Variants in EIF4G1 observed in about 807,000 individuals in gnomAD.
The protein encoded by EIF4G1 is EIF4-gamma.
EIF4G1 carries 4 observed loss-of-function variants against 187.8 expected under a neutral mutation model. The observed-to-expected ratio is 0.02, with a 90% CI of 0.01 to 0.05. The LOEUF (loss-of-function observed/expected upper bound fraction) is 0.05, where lower values mean the gene tolerates loss of function less well. EIF4G1 is among the 10% of genes least tolerant of loss of function. The pLI, the probability that EIF4G1 is intolerant of heterozygous loss-of-function variation, is 1.00. For missense variants in EIF4G1, 1,647 were observed against 2,081.1 expected (o/e 0.79, Z 4.06); for synonymous variants, 844 against 781.4 (o/e 1.08, Z -1.34).
chr3:184,317,514 G>A lies in EIF4G1; in HGVS notation c.324+17G>A. On this transcript the variant is annotated intron_variant, in intron 5 of 32. Coordinates refer to ENST00000346169, the MANE Select transcript of EIF4G1 (RefSeq NM_198241.3). The stretch of plus-strand genomic sequence containing the variant: ...CCTGGACAGGTGAGGCTGGGGGCTT[G>A]GAGCCTAGAAGCCACAGACCCCTAT... 6.2e-7 allele frequency: 1 copy of A among 1,613,834 alleles called. No homozygotes were observed. Among genetic ancestry groups the A allele is most frequent in the African/African-American group, 1.3e-5 (1 of 75,016 alleles).
At chr3:184,327,542 G>A (rs1412551290) in intron 24 of EIF4G1, 44 bp from the exon 25 acceptor site, 1 of 1,613,138 alleles carries the variant, frequency 6.2e-7, no homozygotes, top group African/African-American at 1.3e-5. Context: ...CTTGTTTGCT[G>A]GGAAGACTGA....
At position 184,325,119 on chromosome 3, in the gene EIF4G1, A is replaced by T; in HGVS notation, c.2856+5A>T. 1.2e-6 allele frequency: 2 copies of T among 1,613,838 alleles called. No individual in the cohort carries two copies. The highest frequency in any genetic ancestry group is 1.7e-6 in the Non-Finnish European group (2 of 1,179,830). ...CTGGACTTTGAAAAAGCCAAGGTAG[A>T]GGTCCTTGCATCTGGAGGGGGATGG... On this transcript the variant is annotated splice_donor_5th_base_variant and intron_variant, in intron 18 of 32. Transcript: ENST00000346169. The surrounding 1 kb of genome is among the most constrained non-coding windows in gnomAD (Gnocchi z 5.2).
intron 32 of EIF4G1, 115 bp downstream of exon 32, chr3:184,332,201 A>ATTTTGCTCTC: frequency 5.7e-6 from 8 of 1,397,830 alleles, no homozygotes; most frequent in Non-Finnish European, 8.0e-6. Flanking sequence ...ATTAGAGAGC[A>ATTTTGCTCTC]AAATGCCCTC....
rs866461214 is a variant in EIF4G1, at chr3:184,323,963, C to T, written c.2458C>T (p.Arg820Cys). The T allele has an allele frequency of 1.9e-6, 3 of 1,613,922 alleles. No homozygotes were observed. Among genetic ancestry groups the T allele is most frequent in the Non-Finnish European group, 2.5e-6 (3 of 1,180,046 alleles). The change falls in exon 16 of 33, where the codon CGC becomes TGC. Residue 820 changes from arginine to cysteine, a missense_variant. Coordinates refer to ENST00000346169, the MANE Select transcript of EIF4G1 (RefSeq NM_198241.3). This position sits in a 1 kb window ranked among gnomAD's most constrained non-coding sequence, Gnocchi z 6.9. ...CTCTGTGGCCTATGCCAACATGTGC[C>T]GCTGCCTCATGGCGGTTAGTTTCCA... ...NFSVAYANMCRCLMALKVPTT... is the reference protein window; with the variant it reads ...NFSVAYANMCCCLMALKVPTT...
In EIF4G1 at chr3:184,323,241, G is replaced by A; in HGVS notation, c.2088G>A (p.Pro696=). The A allele has an allele frequency of 6.2e-7, 1 of 1,614,158 alleles. No homozygotes were observed. The highest frequency in any genetic ancestry group is 8.5e-7 in the Non-Finnish European group (1 of 1,179,992). ...CAGGTGGGGAGCTGCCCCGTGGGCCGGTGAGTGGGGCTGGGTAAAGTGGCA... is the reference window on the plus strand; with the variant it reads ...CAGGTGGGGAGCTGCCCCGTGGGCCAGTGAGTGGGGCTGGGTAAAGTGGCA... ...GGPGGELPRG[P]AGLGPRRSQQ... is the part of the protein sequence containing the mutation. The change falls in exon 14 of 33, where the codon CCG becomes CCA. Residue 696 remains proline (P), a splice_region_variant and synonymous_variant. Coordinates refer to ENST00000346169, the MANE Select transcript of EIF4G1 (RefSeq NM_198241.3). This position sits in a 1 kb window ranked among gnomAD's most constrained non-coding sequence, Gnocchi z 6.9.
At chr3:184,319,624 C>A in intron 6 of EIF4G1, 65 bp from the exon 7 acceptor site, 2 of 1,080,814 alleles carry the variant, frequency 1.9e-6, no homozygotes, top group Non-Finnish European at 2.8e-6. Flanking sequence ...AGGTGTCAGG[C>A]AGGCATTAGT....
At chr3:184,317,659 T>C in intron 5 of EIF4G1, 58 bp from the exon 6 acceptor site, 1 of 1,550,028 alleles carries the variant, frequency 6.5e-7, no homozygotes, top group African/African-American at 1.4e-5. Flanking sequence ...TTTTGGAGTC[T>C]GATATGGAAC....
Position 184,322,281 on chromosome 3 carries a change from GCTTT to G in EIF4G1, c.1520-78_1520-75del, listed in dbSNP as rs948034217. On this transcript the variant is annotated intron_variant, in intron 10 of 32. Transcript: ENST00000346169. The stretch of plus-strand genomic sequence containing the variant: ...AAAGGGGAAATACTGTTCTTTGGCT[GCTTT>G]CTATTTCCCAGGGATTAAGGGTACT... 638 of 1,540,556 alleles carry G rather than the reference GCTTT, an allele frequency of 4.1e-4. 1 individual carries two copies. The highest frequency in any genetic ancestry group is 1.5e-3 in the Middle Eastern group (8 of 5,258).
At position 184,325,146 on chromosome 3, in the gene EIF4G1, C is replaced by T; in HGVS notation, c.2856+32C>T. ...GTCCTTGCATCTGGAGGGGGATGGG[C>T]TGAAGCATATGTGGGGCTCACTGAG... On this transcript the variant is annotated intron_variant, in intron 18 of 32. Coordinates refer to ENST00000346169, the MANE Select transcript of EIF4G1 (RefSeq NM_198241.3). This position sits in a 1 kb window ranked among gnomAD's most constrained non-coding sequence, Gnocchi z 5.2. 6.2e-7 allele frequency: 1 copy of T among 1,610,360 alleles called. No individual in the cohort carries two copies. The highest frequency in any genetic ancestry group is 8.5e-7 in the Non-Finnish European group (1 of 1,176,808).
At chr3:184,320,825 G>A (rs1207513875) in intron 8 of EIF4G1, 102 bp from the exon 9 acceptor site, 1 of 1,605,506 alleles carries the variant, frequency 6.2e-7, no homozygotes. Context: ...TTATTTCCCT[G>A]CTTTCCTGGA....
At chr3:184,315,450 C>T (rs1348417630) in intron 1 of EIF4G1, 39 bp from the exon 2 acceptor site, 3 of 582,526 alleles carry the variant, frequency 5.1e-6, no homozygotes, top group South Asian at 2.8e-5. Context: ...GTCTGGGGCC[C>T]CGCGGAGCCA....
rs1459724392 is a variant in EIF4G1 at position 184,317,347 on chromosome 3, C to G, written c.174C>G (p.Pro58=). The G allele has an allele frequency of 6.2e-7, 1 of 1,614,098 alleles. No homozygotes were observed. Among genetic ancestry groups the G allele is most frequent in the South Asian group, 1.1e-5 (1 of 91,086 alleles). The change falls in exon 5 of 33, where the codon CCC becomes CCG. Residue 58 remains proline, a synonymous_variant. Transcript: ENST00000346169. ...ACTTCTACCCTAGCCGGGCCCAGCC[C>G]CCGAGCAGTGCAGCCTCCCGAGTGC... The part of the protein sequence containing the change: ...RQHFYPSRAQ[P]PSSAASRVQS...
At chr3:184,324,061 C>T (rs1312996383) in intron 16 of EIF4G1, 84 bp downstream of exon 16, 3 of 1,605,308 alleles carry the variant, frequency 1.9e-6, no homozygotes, top group Admixed American at 1.7e-5. Flanking sequence ...TTCTTGGTTC[C>T]CCTCCAACTT....
In EIF4G1 at chr3:184,322,408, TAAG is replaced by T. The variant is rs568141854; in HGVS notation, c.1570_1572del (p.Lys524del). 1.9e-6 allele frequency: 3 copies of T among 1,614,118 alleles called. No homozygotes were observed. The highest frequency in any genetic ancestry group is 1.7e-4 in the Middle Eastern group (1 of 6,060). ...GGAGACGGAAAATTAAGGAGCTAAATAAGAAGGAGGCTGTTGGAGACCTTCTGG... is the reference window on the plus strand; with the variant it reads ...GGAGACGGAAAATTAAGGAGCTAAATAAGGAGGCTGTTGGAGACCTTCTGG... On this transcript the variant is annotated inframe_deletion, in exon 11 of 33. Transcript: ENST00000346169.
rs1250489817 is a variant in EIF4G1, at chr3:184,320,123, TC to T, written c.537+328del. On this transcript the variant is annotated intron_variant, in intron 7 of 32. Transcript: ENST00000346169. ...TGTTTTCTGTGGCCCCAGCCCCCAT[TC>T]CCCCCTGCCCCCCCAGTCCTGGAAG... Among the ~76,000 whole-genome samples the T allele has an allele frequency of 3.5e-5, 5 of 141,252 alleles. No homozygotes were observed. In the South Asian group the frequency reaches 7.6e-4, roughly 21 times the overall value. The allele number at this position is 141,252 out of a possible 152,430, so 92.7% of individuals were successfully genotyped here.
At chr3:184,332,115 G>A in intron 32 of EIF4G1, 29 bp downstream of exon 32, 1 of 1,614,126 alleles carries the variant, frequency 6.2e-7, no homozygotes, top group Middle Eastern at 1.7e-4. Flanking sequence ...GGACAGGGGT[G>A]GGGTGGAGGG....
rs377300045 is a variant in EIF4G1 at position 184,327,773 on chromosome 3, C to T, written c.3781-57C>T. 494 of 1,613,880 alleles carry T rather than the reference C, an allele frequency of 3.1e-4. 3 individuals carry two copies. The East Asian group carries it at 8.2e-3, about 27-fold the overall frequency. ...GGATCATGCTGGCAGGCATAGGGGT[C>T]CGGGGTCTGGGTCAGACAGTGACTG... On this transcript the variant is annotated intron_variant, in intron 25 of 32. Transcript: ENST00000346169.
chr3:184,329,683 A>G (rs888432512), intron 28 of EIF4G1, among the ~76,000 whole-genome samples: 1 of 152,230 alleles, frequency 6.6e-6, no homozygotes, highest in African/African-American at 2.4e-5. Context: ...GCGTGACATA[A>G]AACAGTTGAA....
rs894193249 is a variant in EIF4G1, at chr3:184,332,101, A to G, written c.4618+15A>G. The G allele has an allele frequency of 2.3e-5, 37 of 1,613,994 alleles. No homozygotes were observed. Among genetic ancestry groups the G allele is most frequent in the Non-Finnish European group, 3.1e-5 (37 of 1,180,008 alleles). On this transcript the variant is annotated intron_variant, in intron 32 of 32. Coordinates refer to ENST00000346169, the MANE Select transcript of EIF4G1 (RefSeq NM_198241.3). ...ACAGCCTCCCAGTAAGAGCCAGGCC[A>G]TGGGGACAGGGGTGGGGTGGAGGGA...
Sources: gnomAD v4.1 joint callset for allele counts (sites outside exome capture counted in the v4.1 genomes callset) on GRCh38, gnomAD v4.1.1 for gene constraint, Gnocchi (gnomAD v3.1) non-coding constraint, MANE v1.5 for transcripts, NCBI Gene and HGNC (gene_info 2026-07-23, HGNC 2026-07-21) for gene names.